Variants in MAP4 observed in about 807,000 individuals in gnomAD.
The protein encoded by MAP4 is microtubule-associated protein 4.
Under a neutral mutation model 170.2 loss-of-function variants are expected in MAP4, and 76 were observed. The observed-to-expected ratio is 0.45, with a 90% confidence interval of 0.37 to 0.54. The LOEUF (loss-of-function observed/expected upper bound fraction) is 0.54. Among genes scored for constraint, MAP4 ranks in the 20% least tolerant of loss-of-function variants. MAP4 has a pLI of 0.00. For synonymous variants in MAP4, 909 were observed against 994.5 expected, an observed-to-expected ratio of 0.91 and a Z score of 1.62; for missense variants, 2,506 against 2,748.0, an observed-to-expected ratio of 0.91 and a Z score of 1.97.
intron 1 of MAP4, among the ~76,000 whole-genome samples, chr3:48,072,995 C>G (rs1412785922): frequency 6.6e-6 from 1 of 152,026 alleles, no homozygotes; most frequent in Non-Finnish European, 1.5e-5. Flanking sequence ...CTTTGGGAGG[C>G]TGAAGCTGGT....
At chr3:47,866,422 G>A (rs754722021) in intron 17 of MAP4, among the ~76,000 whole-genome samples, 4 of 151,184 alleles carry the variant, frequency 2.6e-5, no homozygotes, top group Middle Eastern at 6.5e-3. Context: ...GAAAAAGGAG[G>A]AAGGGATTAG....
At chr3:47,952,239 G>A (rs62260766) in intron 3 of MAP4, among the ~76,000 whole-genome samples, 4 of 150,076 alleles carry the variant, frequency 2.7e-5, no homozygotes, top group African/African-American at 9.8e-5. Flanking sequence ...CCCGGCAGCC[G>A]CCCCGTCCGG....
At chr3:47,891,435 T>A in intron 10 of MAP4, 1 of 1,532,820 alleles carries the variant, frequency 6.5e-7, no homozygotes, top group Non-Finnish European at 8.7e-7. Flanking sequence ...GAGCGCTTCA[T>A]AGCAGGAGCT....
rs2092518430 is a variant in MAP4, at chr3:47,871,297, T to C, written c.5942-11A>G. On this transcript the variant is annotated splice_polypyrimidine_tract_variant and intron_variant, in intron 13 of 20. Coordinates refer to ENST00000683076, the MANE Select transcript of MAP4 (RefSeq NM_001385682.1). ...CCTCAGTCTTAATGGCTGTACAAAA[T>C]ATACTTATTAATATAACATTTAACA... 1 of 1,604,520 alleles carries C rather than the reference T, an allele frequency of 6.2e-7. No individual in the cohort carries two copies. The highest frequency in any genetic ancestry group is 1.3e-5 in the African/African-American group (1 of 74,850).
Position 47,902,981 on chromosome 3 carries a change from A to G in MAP4, c.5403T>C (p.Thr1801=), listed in dbSNP as rs1577328657. The G allele has an allele frequency of 1.0e-6, 1 of 985,286 alleles. No individual in the cohort carries two copies. 61.0% of individuals were successfully genotyped at this position (985,286 alleles called of 1,614,324 possible). A position where few individuals can be genotyped will look rare whatever the true frequency, so the allele number is the denominator to read the frequency against. The part of the protein sequence containing the change: ...LKSAVCLSSS[T]VYQQLGMSVY... ...CTGACATTCCCAGCTGCTGGTAGAC[A>G]GTTGATGAGCTCAAGCAAACTGAAG... Residue 1801 remains threonine (T), a synonymous_variant, in exon 10 of 21, where the codon ACT becomes ACC. Transcript: ENST00000683076.
At chr3:48,044,451 G>A (rs2100123321) in intron 1 of MAP4, among the ~76,000 whole-genome samples, 1 of 149,900 alleles carries the variant, frequency 6.7e-6, no homozygotes, top group Admixed American at 6.7e-5. Context: ...CACAGTGCCC[G>A]GCCGCCACTC....
At position 47,915,940 on chromosome 3, in the gene MAP4, C is replaced by T; in HGVS notation, c.1876+11G>A. ...TAGAGAGAAATACTGAGAATAAGCA[C>T]AAGCACGTACCTGGTGAAATCATGA... On this transcript the variant is annotated intron_variant, in intron 7 of 20. Coordinates refer to ENST00000683076, the MANE Select transcript of MAP4 (RefSeq NM_001385682.1). 6.3e-7 allele frequency: 1 copy of T among 1,596,006 alleles called. No individual in the cohort carries two copies. The highest frequency in any genetic ancestry group is 1.7e-4 in the Middle Eastern group (1 of 5,964).
intron 3 of MAP4, among the ~76,000 whole-genome samples, chr3:47,940,395 T>C (rs760043584): frequency 3.3e-4 from 50 of 152,232 alleles, no homozygotes; most frequent in African/African-American, 1.2e-3. Context: ...ATAAATTTTT[T>C]AGCATACTTG....
At chr3:48,001,039 AC>A (rs572911144) in intron 1 of MAP4, among the ~76,000 whole-genome samples, 11 of 152,138 alleles carry the variant, frequency 7.2e-5, no homozygotes, top group South Asian at 4.1e-4. Context: ...AAGTCATCGT[AC>A]CCCCAATTCC....
At chr3:47,871,490 T>C (rs767966246) in intron 13 of MAP4, among the ~76,000 whole-genome samples, 2 of 152,178 alleles carry the variant, frequency 1.3e-5, no homozygotes, top group Non-Finnish European at 2.9e-5. Context: ...AAGCCTTCTA[T>C]GTGGCCTTAA....
At chr3:47,965,629 G>C (rs143404535) in intron 3 of MAP4, among the ~76,000 whole-genome samples, 1 of 152,266 alleles carries the variant, frequency 6.6e-6, no homozygotes, top group East Asian at 1.9e-4. Context: ...TTGTGGTTTT[G>C]ATTTGCATTT....
chr3:47,995,980 G>A (rs1055093690), intron 2 of MAP4, among the ~76,000 whole-genome samples: 7 of 152,120 alleles, frequency 4.6e-5, no homozygotes, highest in Non-Finnish European at 7.4e-5. Context: ...AGACACAAAG[G>A]GAATTCACAC....
At chr3:48,007,144 G>T (rs1487496301) in intron 1 of MAP4, among the ~76,000 whole-genome samples, 1 of 152,232 alleles carries the variant, frequency 6.6e-6, no homozygotes, top group African/African-American at 2.4e-5. Flanking sequence ...TGGATCCAGT[G>T]ATCAAGAAAT....
At chr3:47,957,312 C>T (rs2100068430) in intron 3 of MAP4, among the ~76,000 whole-genome samples, 1 of 152,042 alleles carries the variant, frequency 6.6e-6, no homozygotes, top group Non-Finnish European at 1.5e-5. Flanking sequence ...GGACTACAGG[C>T]ATGTGCCACC....
Position 47,870,941 on chromosome 3 carries a change from C to A in MAP4, c.6166G>T (p.Ala2056Ser), listed in dbSNP as rs1032540094. 23 of 1,613,958 alleles carry A rather than the reference C, an allele frequency of 1.4e-5. No individual in the cohort carries two copies. The highest frequency in any genetic ancestry group is 1.9e-5 in the Non-Finnish European group (23 of 1,179,940). Residue 2056 changes from alanine to serine, a missense_variant, in exon 15 of 21, where the codon GCC (alanine) becomes TCC (serine). Physicochemically the swap from Ala to Ser is moderately conservative, Grantham distance 99. Coordinates refer to ENST00000683076, the MANE Select transcript of MAP4 (RefSeq NM_001385682.1). ...CGGGGGGTGGTGGAGCTGGGTTTGGCCGAGGTGGGCTTCTTGTCTATGAAA... is the reference window on the plus strand; with the variant it reads ...CGGGGGGTGGTGGAGCTGGGTTTGGACGAGGTGGGCTTCTTGTCTATGAAA... ...TPFIDKKPTS[A>S]KPSSTTPRLS...
intron 1 of MAP4, among the ~76,000 whole-genome samples, chr3:48,051,408 T>C (rs1311109404): frequency 6.6e-6 from 1 of 151,754 alleles, no homozygotes; most frequent in African/African-American, 2.4e-5. Flanking sequence ...ATTTAAAAAA[T>C]TAAACACACA....
At chr3:48,064,360 G>C (rs2100137384) in intron 1 of MAP4, among the ~76,000 whole-genome samples, 1 of 151,932 alleles carries the variant, frequency 6.6e-6, no homozygotes, top group Admixed American at 6.6e-5. Flanking sequence ...CCCAGGAACT[G>C]ACTCAGCACA....
At chr3:47,982,821 T>C (rs1285099348) in intron 2 of MAP4, among the ~76,000 whole-genome samples, 3 of 152,210 alleles carry the variant, frequency 2.0e-5, no homozygotes, top group African/African-American at 7.2e-5. Context: ...TGTATGTTTG[T>C]AACTGCAAAG....
intron 1 of MAP4, among the ~76,000 whole-genome samples, chr3:48,029,818 T>C (rs915470778): frequency 3.3e-5 from 5 of 151,126 alleles, no homozygotes; most frequent in Non-Finnish European, 7.4e-5. Flanking sequence ...GCTAACACGG[T>C]GAAACCCCGT....
Sources: allele counts gnomAD v4.1 joint callset (sites outside exome capture counted in the v4.1 genomes callset), GRCh38; gene constraint gnomAD v4.1.1; transcripts MANE v1.5; gene names NCBI Gene and HGNC (gene_info 2026-07-23, HGNC 2026-07-21).